CSRNP3: variants seen among roughly 807,000 people sequenced by gnomAD.
CSRNP3 encodes the protein cysteine and serine rich nuclear protein 3, also known as cysteine/serine-rich nuclear protein 3.
CSRNP3 carries 12 observed loss-of-function variants against 48.0 expected under a neutral mutation model. The ratio of observed to expected loss-of-function variants is 0.25; its 90% CI spans 0.16 to 0.41. The LOEUF is 0.41. Among genes scored for constraint, CSRNP3 ranks in the 10% least tolerant of loss-of-function variants. The pLI is 1.00. For synonymous variants in CSRNP3, 263 were observed against 269.7 expected (o/e 0.98, Z 0.24); for missense variants, 580 against 724.4 (o/e 0.80, Z 2.29).
At chr2:165,549,459 A>G (rs1685071147) in intron 3 of CSRNP3, among the ~76,000 whole-genome samples, 1 of 152,128 alleles carries the variant, frequency 6.6e-6, no homozygotes, top group African/African-American at 2.4e-5. Flanking sequence ...TTTCTCCAGC[A>G]TAGAAAACAC....
At chr2:165,662,181 C>A (rs1461328796) in intron 5 of CSRNP3, among the ~76,000 whole-genome samples, 1 of 151,522 alleles carries the variant, frequency 6.6e-6, no homozygotes, top group Non-Finnish European at 1.5e-5. Flanking sequence ...ATTTTGAAAA[C>A]AAAATAAAAG....
intron 3 of CSRNP3, among the ~76,000 whole-genome samples, chr2:165,569,289 T>C (rs909316287): frequency 1.3e-5 from 2 of 152,090 alleles, no homozygotes; most frequent in East Asian, 3.9e-4. Context: ...GTGGTATACA[T>C]ACCAGTTAAT....
chr2:165,484,535 T>C (rs554977114), intron 1 of CSRNP3, among the ~76,000 whole-genome samples: 2 of 152,332 alleles, frequency 1.3e-5, no homozygotes, highest in African/African-American at 4.8e-5. Context: ...TACTTCCCCC[T>C]GTTTGCTGAC....
Position 165,679,252 on chromosome 2 carries a change from C to A in CSRNP3, c.1257C>A (p.His419Gln). ...VLCYSDGTAV[H>Q]ESHAKNASFY... ...GTTATTCTGATGGCACCGCCGTTCA[C>A]GAAAGCCATGCAAAGAATGCTTCTT... Residue 419 changes from histidine to glutamine, a missense_variant, in exon 7 of 7, where the codon CAC (histidine) becomes CAA (glutamine). By Grantham distance (24) the His-to-Gln change is conservative. Transcript: ENST00000651982. 2 of 1,613,964 alleles carry A rather than the reference C, an allele frequency of 1.2e-6. No individual in the cohort carries two copies. The highest frequency in any genetic ancestry group is 1.7e-6 in the Non-Finnish European group (2 of 1,179,984).
At chr2:165,475,007 A>C (rs1429012813) in intron 1 of CSRNP3, among the ~76,000 whole-genome samples, 1 of 152,200 alleles carries the variant, frequency 6.6e-6, no homozygotes, top group African/African-American at 2.4e-5. Context: ...TAATGAAACA[A>C]ATAGTTTCCT....
At chr2:165,584,015 T>G (rs889374979) in intron 3 of CSRNP3, among the ~76,000 whole-genome samples, 2 of 152,158 alleles carry the variant, frequency 1.3e-5, no homozygotes, top group African/African-American at 4.8e-5. Flanking sequence ...TTAGGTACAA[T>G]GCTTGTATAA....
At chr2:165,526,428 G>A (rs1184360134) in intron 3 of CSRNP3, among the ~76,000 whole-genome samples, 1 of 152,042 alleles carries the variant, frequency 6.6e-6, no homozygotes, top group Non-Finnish European at 1.5e-5. Flanking sequence ...AAATAAATAT[G>A]AATCTCATTA....
chr2:165,664,512 C>T (rs1017871686), intron 5 of CSRNP3, among the ~76,000 whole-genome samples: 3 of 152,184 alleles, frequency 2.0e-5, no homozygotes, highest in African/African-American at 7.2e-5. Context: ...TGTTTGAAAG[C>T]AATGGTGATG....
In CSRNP3 at chr2:165,581,275, A is replaced by G. The variant is rs577192515; in HGVS notation, c.-23-13768A>G. On this transcript the variant is annotated intron_variant, in intron 3 of 6. Coordinates refer to ENST00000651982, the MANE Select transcript of CSRNP3 (RefSeq NM_001172173.2). The stretch of plus-strand genomic sequence containing the variant: ...ACAATGGCACACAAGTGCAGGTAAC[A>G]TGGAAAGCTTCCTGAGTACCTCCCA... Among the ~76,000 whole-genome samples the G allele has an allele frequency of 7.9e-5, 12 of 152,320 alleles. No individual in the cohort carries two copies. In the East Asian group the frequency reaches 2.3e-3, roughly 29 times the overall value.
chr2:165,649,077 T>A (rs1037258285), intron 4 of CSRNP3, among the ~76,000 whole-genome samples: 4 of 152,200 alleles, frequency 2.6e-5, no homozygotes, highest in African/African-American at 9.7e-5. Flanking sequence ...GTGACATGCA[T>A]GTTCATGATC....
In CSRNP3 at chr2:165,595,228, C is replaced by G. The variant is rs916998154; in HGVS notation, c.148+15C>G. On this transcript the variant is annotated intron_variant, in intron 4 of 6. Coordinates refer to ENST00000651982, the MANE Select transcript of CSRNP3 (RefSeq NM_001172173.2). The stretch of plus-strand genomic sequence containing the variant: ...TCATTTTACCCGTGAGTACTGAAAT[C>G]AGAACCGAAGTCAATTGTCTGGTTC... 6.3e-7 allele frequency: 1 copy of G among 1,595,028 alleles called. No homozygotes were observed. The highest frequency in any genetic ancestry group is 8.6e-7 in the Non-Finnish European group (1 of 1,165,772).
At position 165,666,410 on chromosome 2, in the gene CSRNP3, A is replaced by G. The variant is rs1195521814; in HGVS notation, c.408+8390A>G. On this transcript the variant is annotated intron_variant, in intron 5 of 6. Coordinates refer to ENST00000651982, the MANE Select transcript of CSRNP3 (RefSeq NM_001172173.2). ...GAGAGAGAAAGGAAGGAAGGGAGGA[A>G]AGAGAGAGAGGAAGAAAGAAAGACA... 5.3e-5 allele frequency among the ~76,000 whole-genome samples: 4 copies of G among 75,642 alleles called. 1 individual carries two copies. The highest frequency in any genetic ancestry group is 9.2e-5 in the Non-Finnish European group (3 of 32,780). 49.6% of individuals were successfully genotyped at this position (75,642 alleles called of 152,430 possible). A position where few individuals can be genotyped will look rare whatever the true frequency, so the allele number is the denominator to read the frequency against.
chr2:165,478,650 G>T (rs1684000886), intron 1 of CSRNP3, among the ~76,000 whole-genome samples: 2 of 152,226 alleles, frequency 1.3e-5, no homozygotes, highest in South Asian at 2.1e-4. Flanking sequence ...TTCTTCAGTT[G>T]CTCACAGTCT....
Position 165,646,597 on chromosome 2 carries a change from C to T in CSRNP3, c.149-11164C>T, listed in dbSNP as rs916825185. 2.6e-5 allele frequency among the ~76,000 whole-genome samples: 4 copies of T among 152,102 alleles called. No homozygotes were observed. In the East Asian group the frequency reaches 5.8e-4, roughly 22 times the overall value. The stretch of plus-strand genomic sequence containing the variant: ...TGTCATTGTGTCAGAATGCCTCATG[C>T]GGCTTTATTTTGCACTGAGATATTC... On this transcript the variant is annotated intron_variant, in intron 4 of 6. Transcript: ENST00000651982.
chr2:165,679,287 A>G lies in CSRNP3; in HGVS notation c.1292A>G (p.Asn431Ser), dbSNP rs758689343. ...GCAAAGAATGCTTCTTTTTATGCCA[A>G]CTCTTCAACTCTGTATTACCAAATA... ...SHAKNASFYA[N>S]SSTLYYQIDS... The change falls in exon 7 of 7, where the codon AAC becomes AGC. Residue 431 changes from asparagine to serine, a missense_variant. Coordinates refer to ENST00000651982, the MANE Select transcript of CSRNP3 (RefSeq NM_001172173.2). 1.2e-5 allele frequency: 19 copies of G among 1,613,678 alleles called. No individual in the cohort carries two copies. Among genetic ancestry groups the G allele is most frequent in the East Asian group, 1.1e-4 (5 of 44,828 alleles).
intron 5 of CSRNP3, among the ~76,000 whole-genome samples, chr2:165,665,874 AAG>A (rs535707899): frequency 8.9e-5 from 13 of 146,406 alleles, no homozygotes; most frequent in Admixed American, 2.0e-4. Flanking sequence ...GAGAGAAAGA[AAG>A]AGAGAGAGGA....
In CSRNP3 at chr2:165,676,459, C is replaced by T. The variant is rs760745996; in HGVS notation, c.556C>T (p.Leu186=). ...GCCAACAAAAAAACGAAGAGCTCTG[C>T]TGCGTGCCTCTGGAGTGAAAAAGAT... ...PLPTKKRRAL[L]RASGVKKIDV... Residue 186 remains leucine, a synonymous_variant, in exon 6 of 7, where the codon CTG becomes TTG. Coordinates refer to ENST00000651982, the MANE Select transcript of CSRNP3 (RefSeq NM_001172173.2). 9.3e-6 allele frequency: 15 copies of T among 1,614,086 alleles called. No homozygotes were observed. Among genetic ancestry groups the T allele is most frequent in the Non-Finnish European group, 1.2e-5 (14 of 1,180,026 alleles).
chr2:165,642,083 C>T (rs1054592377), intron 4 of CSRNP3, among the ~76,000 whole-genome samples: 5 of 147,684 alleles, frequency 3.4e-5, no homozygotes, highest in African/African-American at 7.6e-5. Flanking sequence ...TCCAGTAGTA[C>T]CTGAGAATAC....
At position 165,681,754 on chromosome 2, in the gene CSRNP3, TATATATAC is replaced by T. The variant is rs1310710509; in HGVS notation, c.*2003_*2010del. ...ATATATATATATATATATATATATA[TATATATAC>T]ACACACACACACACATACACATATA... On this transcript the variant is annotated 3_prime_UTR_variant, in exon 7 of 7. Transcript: ENST00000651982. The T allele has an allele frequency of 7.3e-3, 783 of 106,582 alleles. 7 individuals are homozygous for T. Among genetic ancestry groups the T allele is most frequent in the African/African-American group, 0.025 (703 of 27,726 alleles). The allele number at this position is 106,582 out of a possible 1,614,324, so 6.6% of individuals were successfully genotyped here. A position where few individuals can be genotyped will look rare whatever the true frequency, so the allele number is the denominator to read the frequency against.
Sources: allele counts gnomAD v4.1 joint callset (sites outside exome capture counted in the v4.1 genomes callset), GRCh38; gene constraint gnomAD v4.1.1; transcripts MANE v1.5; gene names NCBI Gene and HGNC (gene_info 2026-07-23, HGNC 2026-07-21).